Variants in CNTNAP4 observed in about 807,000 individuals in gnomAD.
CNTNAP4 encodes contactin associated protein family member 4, also known as contactin-associated protein-like 4.
A neutral mutation model predicts 148.4 loss-of-function variants in CNTNAP4; 98 were observed. The observed-to-expected ratio is 0.66, with a 90% CI of 0.56 to 0.78. CNTNAP4 has a LOEUF of 0.78. Ranked by LOEUF, CNTNAP4 falls within the 30% of genes least tolerant of loss-of-function variation. The pLI is 0.00. For missense variants in CNTNAP4, 1,935 were observed against 1,565.6 expected (o/e 1.24, Z -3.98); for synonymous variants, 730 against 565.1 (o/e 1.29, Z -4.14).
chr16:76,331,199 T>C (rs1432103811), intron 2 of CNTNAP4, among the ~76,000 whole-genome samples: 2 of 151,764 alleles, frequency 1.3e-5, no homozygotes, highest in African/African-American at 4.8e-5. Context: ...TTCTTTTTCT[T>C]TTTTTTTAGA....
At chr16:76,366,531 T>C (rs2144591643) in intron 3 of CNTNAP4, among the ~76,000 whole-genome samples, 1 of 152,344 alleles carries the variant, frequency 6.6e-6, no homozygotes, top group East Asian at 1.9e-4. Context: ...ATCCAGTCTT[T>C]CATTGATGGG....
At chr16:76,370,123 C>T (rs1326299064) in intron 3 of CNTNAP4, among the ~76,000 whole-genome samples, 1 of 152,054 alleles carries the variant, frequency 6.6e-6, no homozygotes, top group East Asian at 1.9e-4. Flanking sequence ...ACTTGTTATA[C>T]GATAATATCT....
At chr16:76,477,333 C>T (rs892917151) in intron 11 of CNTNAP4, among the ~76,000 whole-genome samples, 13 of 152,042 alleles carry the variant, frequency 8.6e-5, no homozygotes, top group African/African-American at 1.4e-4. Flanking sequence ...CCATTTTTTC[C>T]GATTATTACT....
intron 3 of CNTNAP4, among the ~76,000 whole-genome samples, chr16:76,375,427 G>C (rs1174253928): frequency 6.6e-6 from 1 of 152,050 alleles, no homozygotes; most frequent in East Asian, 1.9e-4. Flanking sequence ...CTCAGAAAAA[G>C]GCATAAATTT....
intron 10 of CNTNAP4, among the ~76,000 whole-genome samples, chr16:76,473,723 A>C (rs987581314): frequency 6.6e-6 from 1 of 152,090 alleles, no homozygotes; most frequent in African/African-American, 2.4e-5. Context: ...GCAGTGAGCC[A>C]AGATCGCGCC....
At chr16:76,321,585 C>T (rs867553281) in intron 2 of CNTNAP4, among the ~76,000 whole-genome samples, 3 of 151,814 alleles carry the variant, frequency 2.0e-5, no homozygotes, top group East Asian at 1.9e-4. Context: ...GTCAGGAGAT[C>T]GAGACCATCC....
chr16:76,532,811 A>C (rs2084043233), intron 17 of CNTNAP4, among the ~76,000 whole-genome samples: 1 of 152,150 alleles, frequency 6.6e-6, no homozygotes, highest in African/African-American at 2.4e-5. Context: ...GAGCTCACTG[A>C]GTTGAGTCAA....
intron 2 of CNTNAP4, among the ~76,000 whole-genome samples, chr16:76,338,657 A>G (rs765737633): frequency 6.6e-6 from 1 of 152,144 alleles, no homozygotes; most frequent in Non-Finnish European, 1.5e-5. Flanking sequence ...TTACTCTTTT[A>G]TAAAAGATGA....
chr16:76,495,495 A>G (rs11149908), intron 14 of CNTNAP4, among the ~76,000 whole-genome samples: 25,014 of 151,996 alleles, frequency 0.16, 2,616 homozygotes, highest in Admixed American at 0.3. Flanking sequence ...ATATTTTTAA[A>G]AAGACAAATC....
At chr16:76,292,415 C>A (rs989780888) in intron 1 of CNTNAP4, among the ~76,000 whole-genome samples, 7 of 151,722 alleles carry the variant, frequency 4.6e-5, no homozygotes, top group Non-Finnish European at 1.0e-4. Flanking sequence ...CCAGGAAACC[C>A]TTTCACTCAT....
At chr16:76,404,971 C>G (rs1005875543) in intron 3 of CNTNAP4, among the ~76,000 whole-genome samples, 3 of 152,076 alleles carry the variant, frequency 2.0e-5, no homozygotes, top group African/African-American at 7.2e-5. Flanking sequence ...ATCAAAACAT[C>G]ACATTGTACC....
At chr16:76,425,886 T>C (rs2079376211) in intron 3 of CNTNAP4, among the ~76,000 whole-genome samples, 1 of 152,240 alleles carries the variant, frequency 6.6e-6, no homozygotes, top group East Asian at 1.9e-4. Flanking sequence ...GATGGCATAG[T>C]TTAATTTACC....
At chr16:76,389,325 G>T (rs188858965) in intron 3 of CNTNAP4, among the ~76,000 whole-genome samples, 11 of 152,286 alleles carry the variant, frequency 7.2e-5, no homozygotes, top group Admixed American at 6.5e-4. Flanking sequence ...TTTTGTATCT[G>T]CCTCTGAAAC....
intron 13 of CNTNAP4, among the ~76,000 whole-genome samples, chr16:76,491,508 C>G (rs1001673476): frequency 6.6e-6 from 1 of 152,166 alleles, no homozygotes; most frequent in Non-Finnish European, 1.5e-5. Context: ...GCATGAGCCC[C>G]CCTCATTTCC....
chr16:76,449,441 G>C (rs2080372124), intron 6 of CNTNAP4, among the ~76,000 whole-genome samples: 1 of 152,132 alleles, frequency 6.6e-6, no homozygotes, highest in Admixed American at 6.5e-5. Context: ...GTATTAAACA[G>C]ATCAAGTTTT....
chr16:76,321,632 AC>A lies in CNTNAP4; in HGVS notation c.196+5110del, dbSNP rs751050902. On this transcript the variant is annotated intron_variant, in intron 2 of 23. Coordinates refer to ENST00000611870, the MANE Select transcript of CNTNAP4 (RefSeq NM_033401.5). Reference sequence around the variant, plus strand: ...GTGAAACCCCATCTCTACTAAAAATACAAAAAATTAGCCGGGCGTGGTGGCG... The same window carrying A: ...GTGAAACCCCATCTCTACTAAAAATAAAAAAATTAGCCGGGCGTGGTGGCG... 1.3e-4 allele frequency among the ~76,000 whole-genome samples: 20 copies of A among 151,954 alleles called. No individual in the cohort carries two copies. The East Asian group carries it at 1.6e-3, about 12-fold the overall frequency.
intron 2 of CNTNAP4, among the ~76,000 whole-genome samples, chr16:76,332,078 G>A (rs1963576463): frequency 6.6e-6 from 1 of 152,322 alleles, no homozygotes; most frequent in South Asian, 2.1e-4. Flanking sequence ...ATCTGCTGTT[G>A]AGGACCCTTT....
At chr16:76,324,855 G>A (rs138681315) in intron 2 of CNTNAP4, among the ~76,000 whole-genome samples, 4 of 152,110 alleles carry the variant, frequency 2.6e-5, no homozygotes, top group Non-Finnish European at 4.4e-5. Context: ...GCCCACCCTC[G>A]TGACAATGTA....
At chr16:76,288,958 T>A (rs1288096817) in intron 1 of CNTNAP4, among the ~76,000 whole-genome samples, 1 of 152,230 alleles carries the variant, frequency 6.6e-6, no homozygotes, top group Non-Finnish European at 1.5e-5. Context: ...TTTCATTTCA[T>A]TAGGTTGCAT....
Sources: allele counts gnomAD v4.1 joint callset (sites outside exome capture counted in the v4.1 genomes callset), GRCh38; gene constraint gnomAD v4.1.1; transcripts MANE v1.5; gene names NCBI Gene and HGNC (gene_info 2026-07-23, HGNC 2026-07-21).